Variants in MYO3B observed in about 807,000 individuals in gnomAD.
MYO3B encodes myosin-IIIb.
MYO3B carries 156 observed loss-of-function variants against 174.6 expected under a neutral mutation model. That is an observed-to-expected ratio of 0.89 (90% confidence interval 0.78 to 1.02). The LOEUF is 1.02. MYO3B is among the 50% of genes least tolerant of loss of function. MYO3B has a pLI of 0.00. For missense variants in MYO3B, 1,632 were observed against 1,639.4 expected, an observed-to-expected ratio of 1.00 and a Z score of 0.08; for synonymous variants, 563 against 569.1, an observed-to-expected ratio of 0.99 and a Z score of 0.15.
At chr2:170,640,059 C>A (rs148382220) in intron 32 of MYO3B, among the ~76,000 whole-genome samples, 1 of 152,272 alleles carries the variant, frequency 6.6e-6, no homozygotes, top group Non-Finnish European at 1.5e-5. Context: ...AGCTAATCTG[C>A]AGAATTGATC....
chr2:170,453,690 C>G (rs970347244), intron 23 of MYO3B, among the ~76,000 whole-genome samples: 1 of 152,136 alleles, frequency 6.6e-6, no homozygotes, highest in Non-Finnish European at 1.5e-5. Context: ...TAGGCAAAAG[C>G]TTTCTAGTTT....
intron 29 of MYO3B, among the ~76,000 whole-genome samples, chr2:170,516,640 C>G (rs1236805745): frequency 1.6e-5 from 2 of 121,862 alleles, no homozygotes; most frequent in East Asian, 4.6e-4. Context: ...CAGACTCCGT[C>G]TCAAAAAAAA....
intron 7 of MYO3B, among the ~76,000 whole-genome samples, chr2:170,271,240 AT>A (rs1224853604): frequency 6.6e-6 from 1 of 152,214 alleles, no homozygotes; most frequent in African/African-American, 2.4e-5. Context: ...AGTGGTGAAC[AT>A]TTAGCCTTTA....
intron 7 of MYO3B, among the ~76,000 whole-genome samples, chr2:170,283,013 G>A (rs1351560610): frequency 1.3e-5 from 2 of 152,154 alleles, no homozygotes; most frequent in Non-Finnish European, 2.9e-5. Context: ...GACTCAGGGG[G>A]ATGCCAGTGG....
intron 8 of MYO3B, chr2:170,350,294 T>C (rs1395891963): frequency 6.6e-6 from 1 of 152,150 alleles, no homozygotes; most frequent in Non-Finnish European, 1.5e-5. Context: ...AGAAACATGA[T>C]AGGATTGTTA....
intron 32 of MYO3B, among the ~76,000 whole-genome samples, chr2:170,642,176 G>T (rs1399043228): frequency 6.7e-6 from 1 of 149,904 alleles, no homozygotes; most frequent in African/African-American, 2.5e-5. Flanking sequence ...ATGGTGAATA[G>T]TCAGTATTCA....
chr2:170,210,180 CT>C, intron 3 of MYO3B, among the ~76,000 whole-genome samples: 1 of 152,122 alleles, frequency 6.6e-6, no homozygotes. Flanking sequence ...CCTTGTTGTG[CT>C]TTTATTTCAA....
intron 30 of MYO3B, 152 bp downstream of exon 30, chr2:170,519,692 C>A: frequency 3.0e-6 from 2 of 658,080 alleles, no homozygotes; most frequent in Non-Finnish European, 5.1e-6. Context: ...GTTTCCAGGG[C>A]TGGGCGTGGT....
chr2:170,205,694 TTCTTGACCCTGCCTC>T, intron 3 of MYO3B, among the ~76,000 whole-genome samples: 1 of 152,166 alleles, frequency 6.6e-6, no homozygotes, highest in Admixed American at 6.6e-5. Flanking sequence ...TCCTCATGAC[TTCTTGACCCTGCCTC>T]TCTTGATTAC....
chr2:170,619,841 G>C (rs76563106), intron 32 of MYO3B, among the ~76,000 whole-genome samples: 19,852 of 141,496 alleles, frequency 0.14, 1,496 homozygotes, highest in East Asian at 0.35. Flanking sequence ...CTGCCTCCCA[G>C]GTTCAAGCAA....
intron 22 of MYO3B, among the ~76,000 whole-genome samples, chr2:170,427,354 G>C (rs1472163619): frequency 1.3e-5 from 2 of 152,126 alleles, no homozygotes; most frequent in Non-Finnish European, 2.9e-5. Flanking sequence ...AGTTAGTTTG[G>C]ATAATACAGC....
chr2:170,606,072 C>T (rs1694788593), intron 32 of MYO3B, among the ~76,000 whole-genome samples: 1 of 152,154 alleles, frequency 6.6e-6, no homozygotes, highest in African/African-American at 2.4e-5. Flanking sequence ...CTGTAGTAGC[C>T]TCCTCACTGG....
rs200071994 is a variant in MYO3B, at chr2:170,220,653, A to AT, written c.603+3258_603+3259insT. Among the ~76,000 whole-genome samples, 36 of 141,164 alleles carry AT rather than the reference A, an allele frequency of 2.6e-4. 1 individual carries two copies. Among genetic ancestry groups the AT allele is most frequent in the African/African-American group, 9.3e-4 (34 of 36,576 alleles). 92.6% of individuals were successfully genotyped at this position (141,164 alleles called of 152,430 possible). On this transcript the variant is annotated intron_variant, in intron 6 of 34. Transcript: ENST00000408978. ...CAAAAAAAAAAAAAAAAAAAAAAAA[A>AT]ATGGAGTGTTTCTGTAGGGGACAGT...
At chr2:170,507,463 G>A (rs1460799399) in intron 28 of MYO3B, among the ~76,000 whole-genome samples, 7 of 151,902 alleles carry the variant, frequency 4.6e-5, no homozygotes, top group African/African-American at 1.5e-4. Context: ...GCAATGGTGC[G>A]TTCTTGGCTC....
chr2:170,274,260 C>G (rs1224227737), intron 7 of MYO3B, among the ~76,000 whole-genome samples: 1 of 152,102 alleles, frequency 6.6e-6, no homozygotes, highest in Non-Finnish European at 1.5e-5. Context: ...ATCCAAATTT[C>G]CAGCCTTTTT....
At chr2:170,510,815 A>G (rs1156388813) in intron 28 of MYO3B, among the ~76,000 whole-genome samples, 1 of 152,106 alleles carries the variant, frequency 6.6e-6, no homozygotes, top group Non-Finnish European at 1.5e-5. Flanking sequence ...TAGTCTTGAC[A>G]CTGTAAATGG....
chr2:170,257,698 C>T (rs2093315984), intron 7 of MYO3B, among the ~76,000 whole-genome samples: 1 of 151,780 alleles, frequency 6.6e-6, no homozygotes. Context: ...AGAACGAACC[C>T]CAGAGCTAGC....
intron 22 of MYO3B, among the ~76,000 whole-genome samples, chr2:170,412,665 A>C (rs1480794487): frequency 6.6e-6 from 1 of 152,220 alleles, no homozygotes; most frequent in Non-Finnish European, 1.5e-5. Flanking sequence ...TGTAATGCCC[A>C]AAATGAATTA....
At chr2:170,500,666 T>A (rs1425279515) in intron 27 of MYO3B, among the ~76,000 whole-genome samples, 1 of 152,108 alleles carries the variant, frequency 6.6e-6, no homozygotes, top group Non-Finnish European at 1.5e-5. Context: ...ATAGTGGCGG[T>A]ATAAATGGAC....
Sources: allele counts gnomAD v4.1 joint callset (sites outside exome capture counted in the v4.1 genomes callset), GRCh38; gene constraint gnomAD v4.1.1; transcripts MANE v1.5; gene names NCBI Gene and HGNC (gene_info 2026-07-23, HGNC 2026-07-21).